Variants in NKAIN2 observed in about 807,000 individuals in gnomAD.
The protein encoded by NKAIN2 is sodium/potassium-transporting ATPase subunit beta-1-interacting protein 2.
NKAIN2 carries 14 observed loss-of-function variants against 32.6 expected under a neutral mutation model. The ratio of observed to expected loss-of-function variants is 0.43; its 90% CI spans 0.28 to 0.67. The LOEUF (loss-of-function observed/expected upper bound fraction) is 0.67. NKAIN2 is among the 30% of genes least tolerant of loss of function. NKAIN2 has a pLI of 0.17. For missense variants in NKAIN2, 198 were observed against 258.3 expected (o/e 0.77, Z 1.60); for synonymous variants, 80 against 87.2 (o/e 0.92, Z 0.46).
chr6:124,320,573 T>C (rs993452669), intron 2 of NKAIN2, among the ~76,000 whole-genome samples: 3 of 152,150 alleles, frequency 2.0e-5, no homozygotes, highest in Non-Finnish European at 4.4e-5. Context: ...TTACAATAGA[T>C]TGTGAGTTCT....
At chr6:124,022,875 C>T (rs986549822) in intron 1 of NKAIN2, among the ~76,000 whole-genome samples, 9 of 151,900 alleles carry the variant, frequency 5.9e-5, no homozygotes, top group Non-Finnish European at 1.3e-4. Flanking sequence ...GTGGGGCAGG[C>T]GAGTTTGCAA....
chr6:124,385,237 G>T (rs951903298), intron 3 of NKAIN2, among the ~76,000 whole-genome samples: 1 of 152,134 alleles, frequency 6.6e-6, no homozygotes, highest in African/African-American at 2.4e-5. Flanking sequence ...CAATTGGAGG[G>T]CAATGCCATC....
chr6:124,791,192 A>C (rs960001039), intron 4 of NKAIN2, 147 bp from the exon 5 acceptor site: 1 of 516,756 alleles, frequency 1.9e-6, no homozygotes. Flanking sequence ...AGGAATCCAC[A>C]CTGAAGTCAA....
At chr6:124,463,021 G>A (rs556890635) in intron 3 of NKAIN2, among the ~76,000 whole-genome samples, 1 of 152,144 alleles carries the variant, frequency 6.6e-6, no homozygotes, top group Admixed American at 6.6e-5. Context: ...AAGAAAATCA[G>A]CCAACAGAGT....
intron 1 of NKAIN2, among the ~76,000 whole-genome samples, chr6:124,034,839 T>G (rs921121036): frequency 6.6e-6 from 1 of 152,104 alleles, no homozygotes; most frequent in Non-Finnish European, 1.5e-5. Context: ...TTTATCTCAT[T>G]GTGGTTTTAA....
At chr6:124,293,361 C>A (rs559910633) in intron 2 of NKAIN2, among the ~76,000 whole-genome samples, 177 of 151,708 alleles carry the variant, frequency 1.2e-3, no homozygotes, top group African/African-American at 4.2e-3. Context: ...TTTTTAATTA[C>A]TTTTTTGCAT....
intron 1 of NKAIN2, among the ~76,000 whole-genome samples, chr6:123,814,604 G>A (rs1392951265): frequency 6.6e-6 from 1 of 152,112 alleles, no homozygotes; most frequent in Non-Finnish European, 1.5e-5. Flanking sequence ...CTGTTACTGT[G>A]CCTAGCTTTA....
At chr6:124,184,102 T>C (rs549795999) in intron 1 of NKAIN2, among the ~76,000 whole-genome samples, 103 of 152,272 alleles carry the variant, frequency 6.8e-4, no homozygotes, top group African/African-American at 2.4e-3. Flanking sequence ...ATGTTCAAAT[T>C]ATGCAAAGAA....
intron 1 of NKAIN2, among the ~76,000 whole-genome samples, chr6:123,814,784 A>C (rs923327102): frequency 9.2e-5 from 14 of 152,152 alleles, no homozygotes; most frequent in Non-Finnish European, 1.9e-4. Context: ...CTTTTAATTT[A>C]ATATTTCATA....
chr6:124,372,266 T>C (rs1223050599), intron 3 of NKAIN2, among the ~76,000 whole-genome samples: 1 of 152,176 alleles, frequency 6.6e-6, no homozygotes, highest in Non-Finnish European at 1.5e-5. Context: ...GAATTTCAAG[T>C]TACATTCTCC....
At chr6:124,444,081 G>A (rs1019790004) in intron 3 of NKAIN2, among the ~76,000 whole-genome samples, 2 of 151,902 alleles carry the variant, frequency 1.3e-5, no homozygotes, top group African/African-American at 4.8e-5. Context: ...ATAAAGGGAG[G>A]ATTTTGTATT....
At chr6:124,744,997 C>T (rs1372061246) in intron 4 of NKAIN2, among the ~76,000 whole-genome samples, 1 of 151,796 alleles carries the variant, frequency 6.6e-6, no homozygotes, top group Non-Finnish European at 1.5e-5. Flanking sequence ...CCATCAAGCC[C>T]ATAAAACGCC....
intron 1 of NKAIN2, among the ~76,000 whole-genome samples, chr6:124,226,578 G>T (rs1236548964): frequency 6.6e-6 from 1 of 151,816 alleles, no homozygotes; most frequent in Non-Finnish European, 1.5e-5. Context: ...ATGTTGTTTT[G>T]AGACTCTGAT....
intron 1 of NKAIN2, among the ~76,000 whole-genome samples, chr6:124,176,789 A>G (rs992005159): frequency 1.3e-5 from 2 of 152,122 alleles, no homozygotes; most frequent in African/African-American, 4.8e-5. Flanking sequence ...TTTTATTATT[A>G]GTGAGGTTGA....
chr6:124,611,715 GTGTT>G (rs1283306886), intron 3 of NKAIN2, among the ~76,000 whole-genome samples: 2 of 152,134 alleles, frequency 1.3e-5, no homozygotes, highest in African/African-American at 4.8e-5. Flanking sequence ...CTGTGTGTGT[GTGTT>G]TGTGTAAGAA....
At chr6:124,485,275 G>A (rs949927263) in intron 3 of NKAIN2, among the ~76,000 whole-genome samples, 3 of 152,052 alleles carry the variant, frequency 2.0e-5, no homozygotes, top group African/African-American at 7.2e-5. Context: ...GTGTTTAAGA[G>A]ACCCTCTAGG....
chr6:124,447,967 AG>A, intron 3 of NKAIN2, among the ~76,000 whole-genome samples: 1 of 152,226 alleles, frequency 6.6e-6, no homozygotes, highest in Admixed American at 6.6e-5. Context: ...GAAGGGATAC[AG>A]TATGTATCCC....
At position 124,075,713 on chromosome 6, in the gene NKAIN2, A is replaced by T. The variant is rs187266643; in HGVS notation, c.55-207292A>T. Among the ~76,000 whole-genome samples the T allele has an allele frequency of 3.6e-4, 55 of 152,214 alleles. No homozygotes were observed. The East Asian group carries it at 8.9e-3, about 25-fold the overall frequency. Reference sequence around the variant, plus strand: ...CGGGTTCAAGCTCTTCTCCTGCCTCAGCCTCCCAAGTAGCTGGGATTACAG... The same window carrying T: ...CGGGTTCAAGCTCTTCTCCTGCCTCTGCCTCCCAAGTAGCTGGGATTACAG... On this transcript the variant is annotated intron_variant, in intron 1 of 6. Transcript: ENST00000368417.
At chr6:123,824,250 C>T (rs971387433) in intron 1 of NKAIN2, among the ~76,000 whole-genome samples, 1 of 152,062 alleles carries the variant, frequency 6.6e-6, no homozygotes, top group Non-Finnish European at 1.5e-5. Context: ...CACTTATGCA[C>T]CCTACCAATA....
Sources: gnomAD v4.1 joint callset for allele counts (sites outside exome capture counted in the v4.1 genomes callset) on GRCh38, gnomAD v4.1.1 for gene constraint, MANE v1.5 for transcripts, NCBI Gene and HGNC (gene_info 2026-07-23, HGNC 2026-07-21) for gene names.